The following PIK3AP1 variants were observed in gnomAD, a reference collection of about 807,000 sequenced individuals.
PIK3AP1 encodes phosphoinositide-3-kinase adaptor protein 1.
A neutral mutation model predicts 88.1 loss-of-function variants in PIK3AP1; 21 were observed. The observed-to-expected ratio is 0.24, with a 90% CI of 0.17 to 0.34. The LOEUF (loss-of-function observed/expected upper bound fraction) is 0.34. Ranked by LOEUF, PIK3AP1 falls within the 10% of genes least tolerant of loss-of-function variation. The probability of loss-of-function intolerance (pLI) is 1.00; values close to 1 mark genes in which losing one functional copy is unlikely to be tolerated. For missense variants in PIK3AP1, 828 were observed against 1,035.7 expected (o/e 0.80, Z 2.75); for synonymous variants, 398 against 400.0 (o/e 1.00, Z 0.06).
At chr10:96,646,554 G>A (rs1288310954) in intron 7 of PIK3AP1, among the ~76,000 whole-genome samples, 1 of 152,104 alleles carries the variant, frequency 6.6e-6, no homozygotes, top group Non-Finnish European at 1.5e-5. Flanking sequence ...CAAATGAGCT[G>A]AACAGGAATG....
At chr10:96,658,087 T>C (rs545466643) in intron 2 of PIK3AP1, among the ~76,000 whole-genome samples, 1 of 142,528 alleles carries the variant, frequency 7.0e-6, no homozygotes, top group African/African-American at 2.6e-5. Flanking sequence ...AAAAATAGAA[T>C]GGTTGAGAGG....
At chr10:96,655,313 G>C (rs1843600334) in intron 3 of PIK3AP1, among the ~76,000 whole-genome samples, 2 of 152,128 alleles carry the variant, frequency 1.3e-5, no homozygotes, top group South Asian at 4.1e-4. Flanking sequence ...AGGCCAACCT[G>C]GCCAACATGG....
At chr10:96,695,747 T>TAA (rs534261749) in intron 2 of PIK3AP1, among the ~76,000 whole-genome samples, 3 of 143,334 alleles carry the variant, frequency 2.1e-5, no homozygotes, top group Admixed American at 7.0e-5. Flanking sequence ...TGCTCTCCTT[T>TAA]AAAAAAAAAA....
intron 3 of PIK3AP1, among the ~76,000 whole-genome samples, chr10:96,655,332 C>T (rs112166964): frequency 0.1 from 15,304 of 152,116 alleles, 815 homozygotes; most frequent in South Asian, 0.15. Context: ...GGAGAAACCT[C>T]GTCTCTACTA....
intron 2 of PIK3AP1, among the ~76,000 whole-genome samples, chr10:96,703,924 G>A (rs1844330301): frequency 2.6e-5 from 4 of 152,202 alleles, no homozygotes; most frequent in African/African-American, 9.6e-5. Flanking sequence ...CCAACACACT[G>A]AAGACTCCAA....
At chr10:96,611,266 A>G (rs948056489) in intron 13 of PIK3AP1, among the ~76,000 whole-genome samples, 7 of 152,088 alleles carry the variant, frequency 4.6e-5, no homozygotes, top group African/African-American at 1.7e-4. Context: ...CCAGCTTCCT[A>G]GGGTTTTGTG....
intron 2 of PIK3AP1, among the ~76,000 whole-genome samples, chr10:96,675,983 T>G (rs1468987231): frequency 6.6e-6 from 1 of 152,188 alleles, no homozygotes; most frequent in African/African-American, 2.4e-5. Flanking sequence ...CAAACCAGTT[T>G]GCCTACAAAT....
At chr10:96,629,930 A>AAAG (rs61662185) in intron 8 of PIK3AP1, among the ~76,000 whole-genome samples, 38 of 13,722 alleles carry the variant, frequency 2.8e-3, no homozygotes, top group South Asian at 4.4e-3. Context: ...AAAAAAAAAA[A>AAAG]AAGAAGAAGA....
At chr10:96,688,370 G>A (rs1379951267) in intron 2 of PIK3AP1, among the ~76,000 whole-genome samples, 1 of 152,004 alleles carries the variant, frequency 6.6e-6, no homozygotes, top group African/African-American at 2.4e-5. Context: ...TAAAATACGA[G>A]GCCATGGAAA....
intron 2 of PIK3AP1, among the ~76,000 whole-genome samples, chr10:96,669,835 A>C (rs2134252309): frequency 6.6e-6 from 1 of 152,212 alleles, no homozygotes; most frequent in East Asian, 1.9e-4. Flanking sequence ...ACCAACTTGT[A>C]CGATGAGACT....
intron 10 of PIK3AP1, 87 bp downstream of exon 10, chr10:96,626,621 C>A: frequency 7.2e-7 from 1 of 1,386,522 alleles, no homozygotes; most frequent in Non-Finnish European, 9.9e-7. Flanking sequence ...AGTCTCTGAG[C>A]AATGGTTCAA....
At chr10:96,661,839 G>C (rs796511642) in intron 2 of PIK3AP1, among the ~76,000 whole-genome samples, 2 of 130,100 alleles carry the variant, frequency 1.5e-5, no homozygotes, top group African/African-American at 5.7e-5. Context: ...GGAAAGGAAA[G>C]GGAAAAGGGA....
At chr10:96,618,090 G>T (rs1843020671) in intron 12 of PIK3AP1, among the ~76,000 whole-genome samples, 1 of 152,184 alleles carries the variant, frequency 6.6e-6, no homozygotes, top group African/African-American at 2.4e-5. Context: ...GTGGCTAGAG[G>T]CTCTCAGGGA....
chr10:96,716,603 G>T (rs1273601373), intron 1 of PIK3AP1, among the ~76,000 whole-genome samples: 1 of 152,168 alleles, frequency 6.6e-6, no homozygotes, highest in Non-Finnish European at 1.5e-5. Flanking sequence ...GATGTGCTGG[G>T]TAACAATATA....
chr10:96,695,696 T>C (rs1236716100), intron 2 of PIK3AP1, among the ~76,000 whole-genome samples: 1 of 151,960 alleles, frequency 6.6e-6, no homozygotes, highest in Non-Finnish European at 1.5e-5. Flanking sequence ...AACCCAATTC[T>C]AGAGGTTTCC....
At chr10:96,714,573 G>A (rs1844478821) in intron 1 of PIK3AP1, among the ~76,000 whole-genome samples, 1 of 152,168 alleles carries the variant, frequency 6.6e-6, no homozygotes, top group Non-Finnish European at 1.5e-5. Context: ...AAAGGATCCA[G>A]GATTCCTTAG....
At chr10:96,597,945 G>A (rs901331626) in intron 16 of PIK3AP1, among the ~76,000 whole-genome samples, 1 of 151,652 alleles carries the variant, frequency 6.6e-6, no homozygotes, top group Non-Finnish European at 1.5e-5. Context: ...GTTTCATTCT[G>A]AGGAACAACT....
intron 2 of PIK3AP1, among the ~76,000 whole-genome samples, chr10:96,698,030 G>GTAT (rs1844245003): frequency 6.6e-6 from 1 of 152,160 alleles, no homozygotes; most frequent in Non-Finnish European, 1.5e-5. Context: ...TCTGAGGTCT[G>GTAT]GATGGTATTC....
Position 96,714,441 on chromosome 10 carries a change from C to G in PIK3AP1, c.14-4458G>C, listed in dbSNP as rs1844477144. ...AGAGCAGGGATCTGACTCCAAAGTCCATGCTCTTAATCTCTAAGTTGCACC... is the reference window on the plus strand; with the variant it reads ...AGAGCAGGGATCTGACTCCAAAGTCGATGCTCTTAATCTCTAAGTTGCACC... On this transcript the variant is annotated intron_variant, in intron 1 of 16. Transcript: ENST00000339364. Among the ~76,000 whole-genome samples, 4 of 152,206 alleles carry G rather than the reference C, an allele frequency of 2.6e-5. No homozygotes were observed. In the South Asian group the frequency reaches 8.3e-4, roughly 31 times the overall value.
Sources: gnomAD v4.1 joint callset for allele counts (sites outside exome capture counted in the v4.1 genomes callset) on GRCh38, gnomAD v4.1.1 for gene constraint, MANE v1.5 for transcripts, NCBI Gene and HGNC (gene_info 2026-07-23, HGNC 2026-07-21) for gene names.